The following IPO11 variants were observed in gnomAD, a reference collection of about 807,000 sequenced individuals.
The protein encoded by IPO11 is importin 11.
A neutral mutation model predicts 143.2 loss-of-function variants in IPO11; 66 were observed. The ratio of observed to expected loss-of-function variants is 0.46; its 90% CI spans 0.38 to 0.57. IPO11 has a LOEUF of 0.57. IPO11 is among the 20% of genes least tolerant of loss of function. The pLI is 0.00. For missense variants in IPO11, 1,026 were observed against 1,141.0 expected (o/e 0.90, Z 1.45); for synonymous variants, 385 against 377.8 (o/e 1.02, Z -0.22).
Position 62,467,157 on chromosome 5 carries a change from C to T in IPO11, c.543C>T (p.Ala181=), listed in dbSNP as rs1745599906. 1 of 1,609,168 alleles carries T rather than the reference C, an allele frequency of 6.2e-7. No individual in the cohort carries two copies. The highest frequency in any genetic ancestry group is 8.5e-7 in the Non-Finnish European group (1 of 1,178,900). The part of the protein sequence containing the change: ...YDLASGIYNF[A]CSLWNHHTDT... ...TAGCTTCTGGAATTTATAATTTTGC[C>T]TGCTCTCTGTGGAATCACCACACAG... is the stretch of plus-strand genomic sequence containing the variant. Residue 181 remains alanine, a synonymous_variant, in exon 6 of 30, where the codon GCC becomes GCT. Transcript: ENST00000325324.
intron 28 of IPO11, among the ~76,000 whole-genome samples, chr5:62,595,689 G>T (rs1441561683): frequency 6.6e-6 from 1 of 152,168 alleles, no homozygotes. Flanking sequence ...GAAGAAAGAA[G>T]AATTCCATTT....
At chr5:62,490,835 A>G (rs998998302) in intron 15 of IPO11, among the ~76,000 whole-genome samples, 2 of 152,142 alleles carry the variant, frequency 1.3e-5, no homozygotes, top group Non-Finnish European at 2.9e-5. Context: ...AGCTCACTGC[A>G]ACCTCCACCT....
chr5:62,449,877 A>T, intron 3 of IPO11, 50 bp from the exon 4 acceptor site: 1 of 1,175,330 alleles, frequency 8.5e-7, no homozygotes, highest in Non-Finnish European at 1.2e-6. Context: ...ACCTACATTT[A>T]TTATTAGGTG....
chr5:62,466,339 G>A (rs976486679), intron 5 of IPO11, among the ~76,000 whole-genome samples: 3 of 152,206 alleles, frequency 2.0e-5, no homozygotes, highest in Non-Finnish European at 2.9e-5. Context: ...TAACAGGATT[G>A]CAGCTCTGGT....
intron 20 of IPO11, among the ~76,000 whole-genome samples, chr5:62,518,501 C>G (rs1352914807): frequency 6.6e-6 from 1 of 151,648 alleles, no homozygotes; most frequent in Non-Finnish European, 1.5e-5. Flanking sequence ...GTAATCCCAG[C>G]TATTTGGGAG....
At chr5:62,618,497 ATAAG>A (rs1746223843) in intron 29 of IPO11, among the ~76,000 whole-genome samples, 1 of 152,198 alleles carries the variant, frequency 6.6e-6, no homozygotes, top group South Asian at 2.1e-4. Context: ...AAATTGATGA[ATAAG>A]TATTGTTTGC....
At chr5:62,590,490 T>C (rs1744968438) in intron 27 of IPO11, among the ~76,000 whole-genome samples, 1 of 152,242 alleles carries the variant, frequency 6.6e-6, no homozygotes. Context: ...AGAATGACTT[T>C]AAATATTAAT....
At chr5:62,514,055 C>T (rs255392) in intron 19 of IPO11, among the ~76,000 whole-genome samples, 13,365 of 151,090 alleles carry the variant, frequency 0.088, 573 homozygotes, top group East Asian at 0.13. Flanking sequence ...CGAGGCGCTC[C>T]TCACTTCCCA....
chr5:62,508,003 T>G lies in IPO11; in HGVS notation c.1782+1646T>G, dbSNP rs116329722. On this transcript the variant is annotated intron_variant, in intron 19 of 29. Coordinates refer to ENST00000325324, the MANE Select transcript of IPO11 (RefSeq NM_016338.5). ...ATATTTTCAGTTGTCTGATTCTTTTTTTTTCTACCTTAACCTCTGATCAAC... is the reference window on the plus strand; with the variant it reads ...ATATTTTCAGTTGTCTGATTCTTTTGTTTTCTACCTTAACCTCTGATCAAC... 7.2e-3 allele frequency among the ~76,000 whole-genome samples: 1,104 copies of G among 152,358 alleles called. 14 individuals are homozygous for G. Among genetic ancestry groups the G allele is most frequent in the African/African-American group, 0.025 (1,039 of 41,594 alleles).
At chr5:62,548,765 G>C (rs990867703) in intron 24 of IPO11, among the ~76,000 whole-genome samples, 1 of 152,140 alleles carries the variant, frequency 6.6e-6, no homozygotes, top group Non-Finnish European at 1.5e-5. Flanking sequence ...GCTTCTGTCA[G>C]CTTTCTCCTT....
chr5:62,466,999 T>C (rs1159692278), intron 5 of IPO11, 132 bp from the exon 6 acceptor site: 1 of 813,304 alleles, frequency 1.2e-6, no homozygotes, highest in African/African-American at 1.7e-5. Flanking sequence ...GCCACAAATA[T>C]TCTTTGACTA....
intron 29 of IPO11, among the ~76,000 whole-genome samples, chr5:62,607,283 T>TA (rs1176343972): frequency 6.6e-6 from 1 of 152,226 alleles, no homozygotes; most frequent in African/African-American, 2.4e-5. Context: ...GTGACACTGT[T>TA]ATGAGTTGAA....
At chr5:62,423,598 A>T (rs1413832655) in intron 1 of IPO11, among the ~76,000 whole-genome samples, 1 of 152,182 alleles carries the variant, frequency 6.6e-6, no homozygotes, top group Non-Finnish European at 1.5e-5. Flanking sequence ...ACATAAAAGT[A>T]GACAGAATTT....
intron 16 of IPO11, among the ~76,000 whole-genome samples, chr5:62,495,996 A>G (rs1010702296): frequency 6.6e-6 from 1 of 152,028 alleles, no homozygotes; most frequent in African/African-American, 2.4e-5. Context: ...AGTCTTTAAA[A>G]ATGTGCATTT....
At chr5:62,622,644 C>G (rs1375753513) in intron 29 of IPO11, among the ~76,000 whole-genome samples, 1 of 152,018 alleles carries the variant, frequency 6.6e-6, no homozygotes, top group Non-Finnish European at 1.5e-5. Context: ...GTCAAGTTTA[C>G]TCTCAGAGAT....
intron 13 of IPO11, among the ~76,000 whole-genome samples, chr5:62,488,441 A>C (rs1746488936): frequency 6.6e-6 from 1 of 152,210 alleles, no homozygotes; most frequent in Admixed American, 6.5e-5. Flanking sequence ...ATTGACTTTT[A>C]GCAACCGATT....
At chr5:62,530,622 A>C (rs1370519483) in intron 21 of IPO11, 87 bp from the exon 22 acceptor site, 1 of 763,478 alleles carries the variant, frequency 1.3e-6, no homozygotes, top group Non-Finnish European at 2.2e-6. Context: ...TCTTCATTTA[A>C]ATGAGACCTT....
chr5:62,472,482 A>T (rs1429579407), intron 7 of IPO11, among the ~76,000 whole-genome samples: 4 of 152,038 alleles, frequency 2.6e-5, no homozygotes, highest in Non-Finnish European at 2.9e-5. Flanking sequence ...CAATTAGAGG[A>T]TAAAATGTTA....
At chr5:62,579,548 A>C in intron 27 of IPO11, 1 of 1,551,112 alleles carries the variant, frequency 6.4e-7, no homozygotes, top group African/African-American at 1.4e-5. Flanking sequence ...TCTGTTTGTC[A>C]GCTCTGCACT....
Sources: gnomAD v4.1 joint callset for allele counts (sites outside exome capture counted in the v4.1 genomes callset) on GRCh38, gnomAD v4.1.1 for gene constraint, MANE v1.5 for transcripts, NCBI Gene and HGNC (gene_info 2026-07-23, HGNC 2026-07-21) for gene names.